Variants in GLRA3 observed in about 807,000 individuals in gnomAD.
The protein encoded by GLRA3 is glycine receptor alpha 3.
A neutral mutation model predicts 60.4 loss-of-function variants in GLRA3; 44 were observed. The observed-to-expected ratio is 0.73, with a 90% CI of 0.57 to 0.94. The LOEUF is 0.94. Among genes scored for constraint, GLRA3 ranks in the 40% least tolerant of loss-of-function variants. The pLI, the probability that GLRA3 is intolerant of heterozygous loss-of-function variation, is 0.00. For synonymous variants in GLRA3, 223 were observed against 192.9 expected (o/e 1.16, Z -1.29); for missense variants, 508 against 564.6 (o/e 0.90, Z 1.02).
At chr4:174,723,983 G>A (rs570695718) in intron 4 of GLRA3, among the ~76,000 whole-genome samples, 32 of 150,998 alleles carry the variant, frequency 2.1e-4, no homozygotes, top group Non-Finnish European at 3.5e-4. Context: ...TTTGGGGTTC[G>A]TCTAAACTTC....
chr4:174,689,575 A>C (rs1273276086), intron 5 of GLRA3, among the ~76,000 whole-genome samples: 2 of 151,302 alleles, frequency 1.3e-5, no homozygotes, highest in East Asian at 1.9e-4. Flanking sequence ...CCCTCTTCCC[A>C]CCCTGTCAGC....
chr4:174,677,207 C>T lies in GLRA3; in HGVS notation c.798G>A (p.Leu266=), dbSNP rs777022901. The stretch of plus-strand genomic sequence containing the variant: ...ATGAAACCCAGGATAGAATAACAAT[C>T]AGGAGACTGGGAATGTACATCTGGA... The part of the protein sequence containing the change: ...YLIQMYIPSL[L]IVILSWVSFW... The change falls in exon 7 of 10, where the codon CTG becomes CTA. Residue 266 remains leucine (L), a synonymous_variant. Transcript: ENST00000274093. 1.2e-5 allele frequency: 19 copies of T among 1,612,144 alleles called. No individual in the cohort carries two copies. The highest frequency in any genetic ancestry group is 1.7e-4 in the Middle Eastern group (1 of 6,054).
intron 2 of GLRA3, among the ~76,000 whole-genome samples, chr4:174,777,448 C>T (rs1738644714): frequency 6.6e-6 from 1 of 152,148 alleles, no homozygotes; most frequent in African/African-American, 2.4e-5. Flanking sequence ...AAAAAGTCTA[C>T]ATACTCTATG....
At chr4:174,782,687 G>C (rs957826802) in intron 2 of GLRA3, among the ~76,000 whole-genome samples, 1 of 152,108 alleles carries the variant, frequency 6.6e-6, no homozygotes, top group African/African-American at 2.4e-5. Context: ...GACAAAAAGA[G>C]AGCCAAATCA....
rs1735204071 is a variant in GLRA3 at position 174,699,285 on chromosome 4, A to T, written c.574+16203T>A. ...CCAAAGTGCTGGGATTACAAGCATG[A>T]GCCACCATGTCTGGCCATAATTACT... On this transcript the variant is annotated intron_variant, in intron 5 of 9. Transcript: ENST00000274093. Among the ~76,000 whole-genome samples, 6 of 152,214 alleles carry T rather than the reference A, an allele frequency of 3.9e-5. No individual in the cohort carries two copies. The South Asian group carries it at 1.2e-3, about 31-fold the overall frequency.
chr4:174,735,318 C>A (rs1736731339), intron 3 of GLRA3, among the ~76,000 whole-genome samples: 1 of 152,174 alleles, frequency 6.6e-6, no homozygotes, highest in South Asian at 2.1e-4. Context: ...CCAATTTACT[C>A]CATTTTGTGT....
chr4:174,732,458 T>A (rs564883096), intron 3 of GLRA3, among the ~76,000 whole-genome samples: 7 of 151,166 alleles, frequency 4.6e-5, no homozygotes, highest in Non-Finnish European at 8.8e-5. Context: ...AAAACTTAAA[T>A]CCTTATGCTT....
At chr4:174,761,189 C>T (rs895871806) in intron 3 of GLRA3, among the ~76,000 whole-genome samples, 1 of 151,352 alleles carries the variant, frequency 6.6e-6, no homozygotes, top group African/African-American at 2.4e-5. Flanking sequence ...AAAAATACTT[C>T]AAAAAGAATG....
At chr4:174,822,423 C>T (rs1177419307) in intron 1 of GLRA3, among the ~76,000 whole-genome samples, 1 of 151,942 alleles carries the variant, frequency 6.6e-6, no homozygotes, top group African/African-American at 2.4e-5. Context: ...TTTATGGAAG[C>T]ACATATAGGA....
At chr4:174,689,019 G>A (rs541685668) in intron 5 of GLRA3, among the ~76,000 whole-genome samples, 2 of 152,200 alleles carry the variant, frequency 1.3e-5, no homozygotes, top group East Asian at 3.9e-4. Context: ...ACAAGCAGAG[G>A]CTGGGAAATC....
intron 3 of GLRA3, among the ~76,000 whole-genome samples, chr4:174,753,158 T>C (rs1452002099): frequency 6.6e-6 from 1 of 152,188 alleles, no homozygotes; most frequent in Non-Finnish European, 1.5e-5. Flanking sequence ...TGCGTGCATC[T>C]GTTCTACTTG....
At chr4:174,686,584 A>C (rs1361896058) in intron 5 of GLRA3, among the ~76,000 whole-genome samples, 1 of 152,242 alleles carries the variant, frequency 6.6e-6, no homozygotes, top group Non-Finnish European at 1.5e-5. Context: ...GCTAGGCTTC[A>C]GGCAATGTGA....
At chr4:174,791,089 G>C (rs1324245519) in intron 1 of GLRA3, among the ~76,000 whole-genome samples, 2 of 151,076 alleles carry the variant, frequency 1.3e-5, no homozygotes, top group East Asian at 3.9e-4. Context: ...CGTTATCCTA[G>C]ATTATCAAGG....
intron 1 of GLRA3, among the ~76,000 whole-genome samples, chr4:174,822,612 G>A (rs1401438179): frequency 1.3e-5 from 2 of 152,180 alleles, no homozygotes; most frequent in Non-Finnish European, 2.9e-5. Flanking sequence ...GATACTGGAT[G>A]GACCAGTTAC....
Position 174,828,972 on chromosome 4 carries a change from C to A in GLRA3, c.-161G>T, listed in dbSNP as rs1741093924. On this transcript the variant is annotated 5_prime_UTR_variant, in exon 1 of 10. Coordinates refer to ENST00000274093, the MANE Select transcript of GLRA3 (RefSeq NM_006529.4). ...AGACAGCTCCCCGCAGTATGCGGAC[C>A]CCTTCTCAGCATTGAGCAGAAGTGG... 4.9e-6 allele frequency: 3 copies of A among 617,664 alleles called. No homozygotes were observed. In the African/African-American group the frequency reaches 5.5e-5, roughly 11 times the overall value. 38.3% of individuals were successfully genotyped at this position (617,664 alleles called of 1,614,324 possible).
intron 2 of GLRA3, among the ~76,000 whole-genome samples, chr4:174,767,974 C>T (rs1738221760): frequency 6.6e-6 from 1 of 152,092 alleles, no homozygotes; most frequent in Admixed American, 6.6e-5. Context: ...TAGGCAGCTA[C>T]AATGTTAAAC....
At chr4:174,718,959 CTTTTT>C (rs10656765) in intron 4 of GLRA3, among the ~76,000 whole-genome samples, 4 of 81,064 alleles carry the variant, frequency 4.9e-5, no homozygotes, top group South Asian at 5.7e-4. Context: ...AGATTTCGTG[CTTTTT>C]TTTTTTTTTT....
intron 3 of GLRA3, among the ~76,000 whole-genome samples, chr4:174,762,824 C>T: frequency 6.6e-6 from 1 of 152,072 alleles, no homozygotes; most frequent in East Asian, 1.9e-4. Flanking sequence ...GTTACTACTA[C>T]CCAGATCAAA....
intron 3 of GLRA3, among the ~76,000 whole-genome samples, chr4:174,735,482 C>G (rs559518825): frequency 6.6e-5 from 10 of 152,156 alleles, no homozygotes; most frequent in Admixed American, 1.3e-4. Context: ...TTTATTGCTG[C>G]TTGATGTTAA....
Sources: gnomAD v4.1 joint callset for allele counts (sites outside exome capture counted in the v4.1 genomes callset) on GRCh38, gnomAD v4.1.1 for gene constraint, MANE v1.5 for transcripts, NCBI Gene and HGNC (gene_info 2026-07-23, HGNC 2026-07-21) for gene names.